TMEM132D: variants seen among roughly 807,000 people sequenced by gnomAD.
The protein encoded by TMEM132D is transmembrane protein 132D, also known as mature OL transmembrane protein.
A neutral mutation model predicts 62.3 loss-of-function variants in TMEM132D; 21 were observed. That is an observed-to-expected ratio of 0.34 (90% confidence interval 0.24 to 0.49). TMEM132D has a LOEUF of 0.49. Ranked by LOEUF, TMEM132D falls within the 20% of genes least tolerant of loss-of-function variation. The probability of loss-of-function intolerance (pLI) is 0.99; values close to 1 mark genes in which losing one functional copy is unlikely to be tolerated. For synonymous variants in TMEM132D, 621 were observed against 575.6 expected, an observed-to-expected ratio of 1.08 and a Z score of -1.13; for missense variants, 1,346 against 1,402.8, an observed-to-expected ratio of 0.96 and a Z score of 0.65.
At position 129,367,092 on chromosome 12, in the gene TMEM132D, G is replaced by A. The variant is rs140183970; in HGVS notation, c.1116-29275C>T. Among the ~76,000 whole-genome samples the A allele has an allele frequency of 1.4e-3, 206 of 152,298 alleles. 2 individuals are homozygous for A. Among genetic ancestry groups the A allele is most frequent in the Middle Eastern group, 3.4e-3 (1 of 294 alleles). On this transcript the variant is annotated intron_variant, in intron 3 of 8. Transcript: ENST00000422113. ...GGAGGACACCGGCTGAGCACAGGGT[G>A]GCCCATTTGACGGATGCGACTAGCA...
At chr12:129,628,284 G>A (rs1401162841) in intron 2 of TMEM132D, among the ~76,000 whole-genome samples, 1 of 152,176 alleles carries the variant, frequency 6.6e-6, no homozygotes, top group Non-Finnish European at 1.5e-5. Flanking sequence ...AGAAATTGGT[G>A]GTTGCTACTT....
chr12:129,427,441 G>A (rs1435590622), intron 3 of TMEM132D, among the ~76,000 whole-genome samples: 1 of 151,910 alleles, frequency 6.6e-6, no homozygotes, highest in East Asian at 1.9e-4. Context: ...AGCATTAGGA[G>A]ATATACCTAA....
intron 3 of TMEM132D, among the ~76,000 whole-genome samples, chr12:129,481,697 CTT>C (rs1485499267): frequency 6.6e-6 from 1 of 152,190 alleles, no homozygotes; most frequent in Non-Finnish European, 1.5e-5. Context: ...AATGAGCTCT[CTT>C]ATACATTACT....
chr12:129,265,794 G>T (rs1019094304), intron 4 of TMEM132D, among the ~76,000 whole-genome samples: 2 of 151,936 alleles, frequency 1.3e-5, no homozygotes, highest in South Asian at 2.1e-4. Flanking sequence ...TCTCAGCCAG[G>T]TCTTCTCAAA....
intron 5 of TMEM132D, among the ~76,000 whole-genome samples, chr12:129,098,855 C>T (rs7315117): frequency 0.2 from 30,137 of 152,072 alleles, 3,414 homozygotes; most frequent in Non-Finnish European, 0.25. Context: ...TAAGCAGCCT[C>T]AAGGTCTCTC....
chr12:129,389,089 G>A (rs60079199), intron 3 of TMEM132D, among the ~76,000 whole-genome samples: 74,795 of 108,076 alleles, frequency 0.69, 26,094 homozygotes, highest in African/African-American at 0.75. Context: ...CGACACCAAT[G>A]CTAACACCGA....
chr12:129,300,046 T>C (rs1881673035), intron 4 of TMEM132D, among the ~76,000 whole-genome samples: 1 of 152,212 alleles, frequency 6.6e-6, no homozygotes, highest in Non-Finnish European at 1.5e-5. Context: ...CACCTTTTCT[T>C]TTGTGAGTCT....
intron 1 of TMEM132D, among the ~76,000 whole-genome samples, chr12:129,708,836 A>G (rs1881569378): frequency 6.6e-6 from 1 of 152,140 alleles, no homozygotes; most frequent in Non-Finnish European, 1.5e-5. Context: ...CCAGTTGGAG[A>G]GCTGGTGCTT....
At position 129,074,263 on chromosome 12, in the gene TMEM132D, G is replaced by A. The variant is rs2135602395; in HGVS notation, c.2912C>T (p.Thr971Ile). 3 of 1,614,084 alleles carry A rather than the reference G, an allele frequency of 1.9e-6. No homozygotes were observed. Among genetic ancestry groups the A allele is most frequent in the Non-Finnish European group, 1.7e-6 (2 of 1,180,026 alleles). The change falls in exon 9 of 9, where the codon ACA becomes ATA. Residue 971 changes from threonine (T) to isoleucine (I), a missense_variant. By Grantham distance (89) the Thr-to-Ile change is moderately conservative (BLOSUM62 -1). Coordinates refer to ENST00000422113, the MANE Select transcript of TMEM132D (RefSeq NM_133448.3). Reference protein sequence around the residue: ...SHDWVGLSNRTELLENHINFA... With the variant: ...SHDWVGLSNRIELLENHINFA... The stretch of plus-strand genomic sequence containing the variant: ...GTTGATGTGATTCTCCAACAGCTCT[G>A]TCCGGTTGCTTAACCCAACCCAGTC...
rs765486372 is a variant in TMEM132D at position 129,700,080 on chromosome 12, C to T, written c.698G>A (p.Gly233Glu). Residue 233 changes from glycine (G) to glutamate (E), a missense_variant, in exon 2 of 9, where the codon GGG becomes GAG. Coordinates refer to ENST00000422113, the MANE Select transcript of TMEM132D (RefSeq NM_133448.3). ...PVELYYTVHP[G>E]GERGDCVRED... ...CCTGACGCAGTCCCCTCTCTCACCCCCTGGGTGCACGGTGTAGTAGAGCTC... is the reference window on the plus strand; with the variant it reads ...CCTGACGCAGTCCCCTCTCTCACCCTCTGGGTGCACGGTGTAGTAGAGCTC... 10 of 1,613,580 alleles carry T rather than the reference C, an allele frequency of 6.2e-6. No homozygotes were observed. The highest frequency in any genetic ancestry group is 7.6e-6 in the Non-Finnish European group (9 of 1,180,028).
intron 2 of TMEM132D, among the ~76,000 whole-genome samples, chr12:129,637,386 T>C (rs979392764): frequency 6.6e-6 from 1 of 152,208 alleles, no homozygotes; most frequent in Non-Finnish European, 1.5e-5. Flanking sequence ...TCATGTTGAA[T>C]TGTAATCTCA....
At chr12:129,630,492 C>A (rs556074637) in intron 2 of TMEM132D, among the ~76,000 whole-genome samples, 11 of 152,080 alleles carry the variant, frequency 7.2e-5, no homozygotes, top group African/African-American at 2.7e-4. Flanking sequence ...TTGGAGGTTT[C>A]CTGGAAGGTT....
At position 129,358,437 on chromosome 12, in the gene TMEM132D, G is replaced by T. The variant is rs569628099; in HGVS notation, c.1116-20620C>A. Among the ~76,000 whole-genome samples, 17 of 152,228 alleles carry T rather than the reference G, an allele frequency of 1.1e-4. No individual in the cohort carries two copies. In the South Asian group the frequency reaches 1.9e-3, roughly 17 times the overall value. ...TTCTGCACTCTCTCTACAGCTCCAC[G>T]TGCAGCGACATTACTTTGGTAGTTT... On this transcript the variant is annotated intron_variant, in intron 3 of 8. Transcript: ENST00000422113.
intron 2 of TMEM132D, among the ~76,000 whole-genome samples, chr12:129,600,489 T>G (rs1363570740): frequency 6.6e-6 from 1 of 152,206 alleles, no homozygotes. Flanking sequence ...GCATCAAGAA[T>G]GGTAAATCCT....
intron 3 of TMEM132D, among the ~76,000 whole-genome samples, chr12:129,465,412 CT>C: frequency 6.6e-6 from 1 of 152,302 alleles, no homozygotes; most frequent in African/African-American, 2.4e-5. Context: ...TCTCTCACCA[CT>C]CCTATTCAAC....
intron 2 of TMEM132D, among the ~76,000 whole-genome samples, chr12:129,572,238 T>C (rs1877533226): frequency 6.6e-6 from 1 of 152,142 alleles, no homozygotes; most frequent in South Asian, 2.1e-4. Context: ...CAAACGTGAG[T>C]GAAGCTTCAT....
chr12:129,747,196 T>G (rs10847933), intron 1 of TMEM132D, among the ~76,000 whole-genome samples: 1,155 of 18,970 alleles, frequency 0.061, 11 homozygotes, highest in East Asian at 0.12. Context: ...CCCTCCTCCC[T>G]CTCCTTCTTA....
intron 2 of TMEM132D, among the ~76,000 whole-genome samples, chr12:129,595,552 G>T (rs1423170461): frequency 6.6e-6 from 1 of 152,202 alleles, no homozygotes; most frequent in Non-Finnish European, 1.5e-5. Flanking sequence ...TCCATCCCTT[G>T]TCTCTGACTT....
At chr12:129,085,658 C>T (rs1874593138) in intron 5 of TMEM132D, 1 of 81,026 alleles carries the variant, frequency 1.2e-5, no homozygotes, top group African/African-American at 3.1e-5. Flanking sequence ...GCCATTCCCA[C>T]ATTCCAGATG....
Sources: allele counts gnomAD v4.1 joint callset (sites outside exome capture counted in the v4.1 genomes callset), GRCh38; gene constraint gnomAD v4.1.1; transcripts MANE v1.5; gene names NCBI Gene and HGNC (gene_info 2026-07-23, HGNC 2026-07-21).